RBFOX1: variants seen among roughly 807,000 people sequenced by gnomAD.
The protein encoded by RBFOX1 is RNA binding fox-1 homolog 1.
A neutral mutation model predicts 57.7 loss-of-function variants in RBFOX1; 8 were observed. That is an observed-to-expected ratio of 0.14 (90% confidence interval 0.08 to 0.25). RBFOX1 has a LOEUF of 0.25. Among genes scored for constraint, RBFOX1 ranks in the 10% least tolerant of loss-of-function variants. The pLI is 1.00. For missense variants in RBFOX1, 611 were observed against 548.5 expected (o/e 1.11, Z -1.14); for synonymous variants, 326 against 222.4 (o/e 1.47, Z -4.15).
At chr16:5,519,896 C>T (rs547559629) in intron 2 of RBFOX1, among the ~76,000 whole-genome samples, 5 of 152,220 alleles carry the variant, frequency 3.3e-5, no homozygotes, top group Non-Finnish European at 7.4e-5. Context: ...CTTTATTGAG[C>T]CCATACTTGA....
chr16:5,477,222 C>G (rs2032015480), intron 2 of RBFOX1, among the ~76,000 whole-genome samples: 1 of 152,102 alleles, frequency 6.6e-6, no homozygotes, highest in South Asian at 2.1e-4. Flanking sequence ...TGCTTTGTTG[C>G]CCAGGCTGAA....
At position 7,504,755 on chromosome 16, in the gene RBFOX1, T is replaced by TTATATATTTA; in HGVS notation, c.28-13385_28-13384insTTATATATAT. ...TATATATATATATATATATATATAT[T>TTATATATTTA]TATATATATATATATTTATATATAT... On this transcript the variant is annotated intron_variant, in intron 4 of 15. Transcript: ENST00000550418. Among the ~76,000 whole-genome samples, 2 of 10,002 alleles carry TTATATATTTA rather than the reference T, an allele frequency of 2.0e-4. 1 individual carries two copies. Among genetic ancestry groups the TTATATATTTA allele is most frequent in the African/African-American group, 1.0e-3 (2 of 1,960 alleles). The allele number at this position is 10,002 out of a possible 152,430, so 6.6% of individuals were successfully genotyped here. A position where few individuals can be genotyped will look rare whatever the true frequency, so the allele number is the denominator to read the frequency against.
intron 2 of RBFOX1, among the ~76,000 whole-genome samples, chr16:5,595,100 C>T (rs2047139613): frequency 6.6e-6 from 1 of 151,924 alleles, no homozygotes; most frequent in Admixed American, 6.6e-5. Context: ...GAGTCAAGAT[C>T]CTGCCACTGC....
At chr16:7,189,421 C>A (rs911909221) in intron 4 of RBFOX1, among the ~76,000 whole-genome samples, 8 of 96,016 alleles carry the variant, frequency 8.3e-5, no homozygotes, top group African/African-American at 3.7e-4. Flanking sequence ...GCGAGACTCC[C>A]TCTCAAAAAA....
At chr16:7,707,287 A>G (rs1284498702) in intron 14 of RBFOX1, among the ~76,000 whole-genome samples, 1 of 152,146 alleles carries the variant, frequency 6.6e-6, no homozygotes, top group African/African-American at 2.4e-5. Context: ...AAGGTCCATC[A>G]TCACGCTTTC....
intron 3 of RBFOX1, among the ~76,000 whole-genome samples, chr16:5,757,124 C>G (rs1439407251): frequency 6.6e-6 from 1 of 151,936 alleles, no homozygotes; most frequent in Non-Finnish European, 1.5e-5. Flanking sequence ...ACTCTGCCAT[C>G]ATTACTGCAT....
rs568818184 is a variant in RBFOX1, at chr16:6,706,664, G to A, written c.-16+52014G>A. 4.6e-5 allele frequency among the ~76,000 whole-genome samples: 7 copies of A among 150,888 alleles called. No homozygotes were observed. In the South Asian group the frequency reaches 1.5e-3, roughly 32 times the overall value. On this transcript the variant is annotated intron_variant, in intron 3 of 15. Coordinates refer to ENST00000550418, the MANE Select transcript of RBFOX1 (RefSeq NM_018723.4). The stretch of plus-strand genomic sequence containing the variant: ...TGAAGGGCAACACTGTTACACTTTT[G>A]AGACGTCTTTAATTGGCTGAGTTGT...
intron 1 of RBFOX1, among the ~76,000 whole-genome samples, chr16:6,088,324 TCA>T (rs914625736): frequency 1.3e-5 from 2 of 152,180 alleles, no homozygotes; most frequent in African/African-American, 4.8e-5. Flanking sequence ...TGCGTTTTTG[TCA>T]CACAGTGTTT....
chr16:6,608,731 C>T (rs891176077), intron 2 of RBFOX1, among the ~76,000 whole-genome samples: 4 of 152,290 alleles, frequency 2.6e-5, no homozygotes, highest in African/African-American at 9.6e-5. Context: ...ATGATTGTAC[C>T]ACTGCATTCT....
At chr16:6,242,977 C>G (rs184619661) in intron 1 of RBFOX1, among the ~76,000 whole-genome samples, 9 of 152,188 alleles carry the variant, frequency 5.9e-5, no homozygotes, top group Admixed American at 3.3e-4. Context: ...TGTTTTCTTT[C>G]TAGAGAAAAA....
intron 3 of RBFOX1, among the ~76,000 whole-genome samples, chr16:7,010,165 C>G (rs1025485403): frequency 6.6e-6 from 1 of 152,220 alleles, no homozygotes; most frequent in African/African-American, 2.4e-5. Flanking sequence ...GAGACTTAAT[C>G]AGCTGTGAAT....
intron 3 of RBFOX1, among the ~76,000 whole-genome samples, chr16:6,743,232 C>G (rs2072722883): frequency 6.6e-6 from 1 of 151,776 alleles, no homozygotes; most frequent in East Asian, 1.9e-4. Context: ...TAAAAATTTT[C>G]AATTATTGTG....
intron 2 of RBFOX1, among the ~76,000 whole-genome samples, chr16:6,537,485 T>C (rs566329968): frequency 8.5e-5 from 13 of 152,062 alleles, no homozygotes; most frequent in African/African-American, 2.9e-4. Context: ...CATGACAGAG[T>C]TGAGGGGCTA....
chr16:6,746,154 C>T (rs564105681), intron 3 of RBFOX1, among the ~76,000 whole-genome samples: 16 of 152,148 alleles, frequency 1.1e-4, no homozygotes, highest in Admixed American at 2.0e-4. Flanking sequence ...AGGCCAATAT[C>T]GTGTGTAGGT....
intron 4 of RBFOX1, among the ~76,000 whole-genome samples, chr16:7,198,480 G>C (rs187735318): frequency 6.6e-6 from 1 of 152,326 alleles, no homozygotes; most frequent in African/African-American, 2.4e-5. Context: ...ATCAAAAACA[G>C]GAAGACAGAG....
intron 3 of RBFOX1, among the ~76,000 whole-genome samples, chr16:5,763,359 G>A (rs2053654133): frequency 6.6e-6 from 1 of 152,194 alleles, no homozygotes; most frequent in African/African-American, 2.4e-5. Flanking sequence ...CTGTGCTTGG[G>A]GGTGACTCGC....
chr16:7,565,978 T>G (rs183037966), intron 5 of RBFOX1, among the ~76,000 whole-genome samples: 165 of 152,236 alleles, frequency 1.1e-3, no homozygotes, highest in African/African-American at 3.8e-3. Context: ...ATCATTAGTT[T>G]CCTGGAATGA....
chr16:6,900,914 G>C (rs1313535018), intron 3 of RBFOX1, among the ~76,000 whole-genome samples: 1 of 152,174 alleles, frequency 6.6e-6, no homozygotes, highest in Non-Finnish European at 1.5e-5. Context: ...CCAGCATTTT[G>C]CACATGGTAA....
chr16:5,241,839 G>T (rs11076899), intron 1 of RBFOX1, among the ~76,000 whole-genome samples: 74,541 of 151,848 alleles, frequency 0.49, 18,783 homozygotes, highest in Middle Eastern at 0.57. Context: ...GGTGGCTCAA[G>T]CCAATAATTC....
Sources: allele counts gnomAD v4.1 joint callset (sites outside exome capture counted in the v4.1 genomes callset), GRCh38; gene constraint gnomAD v4.1.1; transcripts MANE v1.5; gene names NCBI Gene and HGNC (gene_info 2026-07-23, HGNC 2026-07-21).